Variants in ERC2 observed in about 807,000 individuals in gnomAD.
ERC2 encodes the protein ERC protein 2.
ERC2 carries 42 observed loss-of-function variants against 114.8 expected under a neutral mutation model. That is an observed-to-expected ratio of 0.37 (90% CI 0.29 to 0.47). ERC2 has a LOEUF of 0.47. Ranked by LOEUF, ERC2 falls within the 20% of genes least tolerant of loss-of-function variation. ERC2 has a pLI of 0.99. For synonymous variants in ERC2, 454 were observed against 425.5 expected, an observed-to-expected ratio of 1.07 and a Z score of -0.82; for missense variants, 939 against 1,150.7, an observed-to-expected ratio of 0.82 and a Z score of 2.66.
chr3:56,239,505 G>GA (rs2051184516), intron 3 of ERC2, among the ~76,000 whole-genome samples: 1 of 151,868 alleles, frequency 6.6e-6, no homozygotes, highest in Admixed American at 6.6e-5. Flanking sequence ...GTCTCTGTCT[G>GA]AAAAAATAAA....
At chr3:55,748,552 A>C (rs2148959421) in intron 14 of ERC2, among the ~76,000 whole-genome samples, 1 of 152,330 alleles carries the variant, frequency 6.6e-6, no homozygotes, top group Non-Finnish European at 1.5e-5. Flanking sequence ...AGACACAAAG[A>C]AACACCCTTC....
At chr3:56,119,489 T>C (rs928339770) in intron 6 of ERC2, among the ~76,000 whole-genome samples, 3 of 152,230 alleles carry the variant, frequency 2.0e-5, no homozygotes, top group Non-Finnish European at 2.9e-5. Flanking sequence ...AACTCATCTT[T>C]CAGATCACAG....
intron 12 of ERC2, among the ~76,000 whole-genome samples, chr3:55,985,433 CAT>C (rs1396917237): frequency 3.9e-5 from 6 of 152,152 alleles, no homozygotes; most frequent in African/African-American, 1.4e-4. Context: ...CAGGAAATAA[CAT>C]GTGTGTACAA....
Position 56,163,501 on chromosome 3 carries a change from G to A in ERC2, c.1149+9945C>T, listed in dbSNP as rs140387346. Reference sequence around the variant, plus strand: ...CCCACTATTATTGTGTGTTGCTGTCGAAGTCTTTTCGTAAGTCTTACAAAT... The same window carrying A: ...CCCACTATTATTGTGTGTTGCTGTCAAAGTCTTTTCGTAAGTCTTACAAAT... On this transcript the variant is annotated intron_variant, in intron 4 of 17. Coordinates refer to ENST00000288221, the MANE Select transcript of ERC2 (RefSeq NM_015576.3). Among the ~76,000 whole-genome samples, 769 of 152,080 alleles carry A rather than the reference G, an allele frequency of 5.1e-3. 14 individuals carry two copies. The highest frequency in any genetic ancestry group is 0.018 in the African/African-American group (735 of 41,534).
chr3:55,714,917 G>A (rs2064023559), intron 15 of ERC2, among the ~76,000 whole-genome samples: 1 of 151,646 alleles, frequency 6.6e-6, no homozygotes, highest in African/African-American at 2.4e-5. Flanking sequence ...TCATATTAGG[G>A]GGAGATACTG....
chr3:56,363,084 A>G (rs578208600), intron 2 of ERC2, among the ~76,000 whole-genome samples: 14 of 152,220 alleles, frequency 9.2e-5, no homozygotes, highest in Non-Finnish European at 2.1e-4. Flanking sequence ...CTTTTATGAT[A>G]TAGAAGGAAA....
intron 2 of ERC2, among the ~76,000 whole-genome samples, chr3:56,406,903 C>G (rs9854966): frequency 0.45 from 68,029 of 152,028 alleles, 16,268 homozygotes; most frequent in African/African-American, 0.6. Flanking sequence ...AAAATCCAGA[C>G]AGACAATAAT....
intron 14 of ERC2, among the ~76,000 whole-genome samples, chr3:55,878,621 G>A (rs1004322478): frequency 2.0e-5 from 3 of 152,166 alleles, no homozygotes; most frequent in Non-Finnish European, 2.9e-5. Context: ...CCACATATAT[G>A]AGCCTCAGTG....
chr3:56,329,299 C>T (rs377753936), intron 2 of ERC2, among the ~76,000 whole-genome samples: 3 of 151,990 alleles, frequency 2.0e-5, no homozygotes, highest in Non-Finnish European at 2.9e-5. Flanking sequence ...GAACAGTGCA[C>T]GAAAAGTACT....
intron 3 of ERC2, among the ~76,000 whole-genome samples, chr3:56,208,858 G>A (rs1358458025): frequency 6.6e-6 from 1 of 152,106 alleles, no homozygotes; most frequent in African/African-American, 2.4e-5. Flanking sequence ...ACTAGGCCAG[G>A]GGAAAATTCA....
chr3:56,180,761 A>T (rs1251260283), intron 3 of ERC2, among the ~76,000 whole-genome samples: 1 of 152,214 alleles, frequency 6.6e-6, no homozygotes, highest in Admixed American at 6.5e-5. Context: ...ACACTATTGA[A>T]CTGTACATTT....
chr3:55,623,591 C>A (rs1464756180), intron 17 of ERC2, among the ~76,000 whole-genome samples: 1 of 152,164 alleles, frequency 6.6e-6, no homozygotes, highest in Non-Finnish European at 1.5e-5. Context: ...CTCAGTCATG[C>A]CTGGTCACCT....
intron 1 of ERC2, among the ~76,000 whole-genome samples, chr3:56,447,799 G>A (rs1266834649): frequency 6.6e-6 from 1 of 151,766 alleles, no homozygotes; most frequent in African/African-American, 2.4e-5. Context: ...CTGGAGTGCA[G>A]TGGTGTGATC....
At chr3:56,368,220 G>A (rs976387367) in intron 2 of ERC2, among the ~76,000 whole-genome samples, 8 of 147,042 alleles carry the variant, frequency 5.4e-5, no homozygotes, top group African/African-American at 1.5e-4. Flanking sequence ...GACCAGCTAA[G>A]ATCGGTCATA....
At chr3:56,190,654 G>T (rs2083932923) in intron 3 of ERC2, among the ~76,000 whole-genome samples, 1 of 151,910 alleles carries the variant, frequency 6.6e-6, no homozygotes, top group South Asian at 2.1e-4. Flanking sequence ...GACCAGGTTG[G>T]TCTCAAATTC....
At chr3:56,031,125 A>T (rs1273325994) in intron 7 of ERC2, among the ~76,000 whole-genome samples, 2 of 152,184 alleles carry the variant, frequency 1.3e-5, no homozygotes, top group Admixed American at 6.5e-5. Context: ...GCACATAGCC[A>T]TAGACCCAGG....
intron 14 of ERC2, among the ~76,000 whole-genome samples, chr3:55,763,043 A>T (rs951089812): frequency 6.6e-6 from 1 of 152,192 alleles, no homozygotes; most frequent in Non-Finnish European, 1.5e-5. Context: ...CAAGAAAGAG[A>T]TTCCTAAGAA....
At chr3:56,165,788 A>G (rs1045913101) in intron 4 of ERC2, among the ~76,000 whole-genome samples, 1 of 151,968 alleles carries the variant, frequency 6.6e-6, no homozygotes, top group Non-Finnish European at 1.5e-5. Flanking sequence ...CTGGCCAGCC[A>G]TTTGGCTAAA....
chr3:56,175,926 G>A (rs2082953229), intron 3 of ERC2, among the ~76,000 whole-genome samples: 1 of 149,640 alleles, frequency 6.7e-6, no homozygotes, highest in Non-Finnish European at 1.5e-5. Context: ...TCAATGTGAT[G>A]GTTTTTTTCC....
Sources: allele counts gnomAD v4.1 joint callset (sites outside exome capture counted in the v4.1 genomes callset), GRCh38; gene constraint gnomAD v4.1.1; transcripts MANE v1.5; gene names NCBI Gene and HGNC (gene_info 2026-07-23, HGNC 2026-07-21).